Variants in CGGBP1 observed in about 807,000 individuals in gnomAD.
The protein encoded by CGGBP1 is CGG triplet repeat binding protein 1.
In CGGBP1, 4 loss-of-function variants were observed where a neutral mutation model predicts 11.4. That is an observed-to-expected ratio of 0.35 (90% CI 0.17 to 0.80). The LOEUF is 0.80. CGGBP1 is among the 30% of genes least tolerant of loss of function. The pLI is 0.52. For synonymous variants in CGGBP1, 76 were observed against 74.1 expected (o/e 1.03, Z -0.13); for missense variants, 135 against 202.1 (o/e 0.67, Z 2.01).
chr3:88,101,731 C>T (rs550188862), intron 2 of CGGBP1, among the ~76,000 whole-genome samples: 9 of 152,098 alleles, frequency 5.9e-5, no homozygotes, highest in East Asian at 5.8e-4. Context: ...TTATGTTTAG[C>T]GTTTTGTAAA....
intron 2 of CGGBP1, among the ~76,000 whole-genome samples, chr3:88,121,754 G>A (rs571282294): frequency 1.3e-5 from 2 of 152,214 alleles, no homozygotes; most frequent in African/African-American, 4.8e-5. Flanking sequence ...CAAAGATTAC[G>A]TTTTTATAAT....
intron 2 of CGGBP1, among the ~76,000 whole-genome samples, chr3:88,091,993 A>G (rs1345385112): frequency 6.6e-6 from 1 of 152,248 alleles, no homozygotes; most frequent in Admixed American, 6.5e-5. Context: ...TGTTAAGCAG[A>G]AGCAAATCTT....
chr3:88,106,128 A>G (rs1704722186), intron 2 of CGGBP1, among the ~76,000 whole-genome samples: 2 of 152,196 alleles, frequency 1.3e-5, no homozygotes, highest in Non-Finnish European at 1.5e-5. Flanking sequence ...TCTCTTCATT[A>G]TAAATTACTC....
At chr3:88,147,577 C>A (rs568944523) in intron 1 of CGGBP1, among the ~76,000 whole-genome samples, 1 of 152,322 alleles carries the variant, frequency 6.6e-6, no homozygotes, top group African/African-American at 2.4e-5. Flanking sequence ...AGACAGTAGT[C>A]ACTAGCCATG....
At chr3:88,129,641 T>G (rs1446486777) in intron 2 of CGGBP1, 4 of 1,322,188 alleles carry the variant, frequency 3.0e-6, no homozygotes, top group Non-Finnish European at 3.9e-6. Flanking sequence ...ACTAGCTTCT[T>G]AGATATTTTT....
rs1703948701 is a variant in CGGBP1, at chr3:88,094,634, A to C, written c.-228-36411T>G. ...TAGAGCAAAACAGCAGTTGACTACA[A>C]GCTACTATTAGGAAGATCTTTATTC... On this transcript the variant is annotated intron_variant, in intron 2 of 3. Coordinates refer to the CGGBP1 transcript ENST00000462901. Among the ~76,000 whole-genome samples the C allele has an allele frequency of 2.0e-5, 3 of 152,166 alleles. No individual in the cohort carries two copies. In the South Asian group the frequency reaches 6.2e-4, roughly 31 times the overall value.
upstream of CGGBP1, chr3:88,059,128 C>T: frequency 1.9e-6 from 2 of 1,073,366 alleles, no homozygotes; most frequent in Middle Eastern, 3.1e-4. Context: ...ACATGATTGG[C>T]AGCTTGCGTC....
At chr3:88,094,129 G>A (rs1272136298) in intron 2 of CGGBP1, among the ~76,000 whole-genome samples, 2 of 149,198 alleles carry the variant, frequency 1.3e-5, no homozygotes, top group East Asian at 3.9e-4. Flanking sequence ...GGCAGTTGGT[G>A]GTCTTAATTC....
intron 2 of CGGBP1, among the ~76,000 whole-genome samples, chr3:88,074,698 C>T (rs1484521251): frequency 1.3e-5 from 2 of 152,112 alleles, no homozygotes; most frequent in African/African-American, 4.8e-5. Context: ...TATTACTGCA[C>T]CCAACCCAAT....
intron 2 of CGGBP1, among the ~76,000 whole-genome samples, chr3:88,101,044 T>A (rs1400420874): frequency 6.6e-6 from 1 of 152,208 alleles, no homozygotes. Flanking sequence ...TCAACAGTTA[T>A]CAGTATATTG....
At chr3:88,080,575 G>A (rs1288477737) in intron 2 of CGGBP1, among the ~76,000 whole-genome samples, 1 of 152,094 alleles carries the variant, frequency 6.6e-6, no homozygotes, top group Admixed American at 6.5e-5. Context: ...TGACAGAGCT[G>A]GAATTCAAAC....
intron 2 of CGGBP1, among the ~76,000 whole-genome samples, chr3:88,077,548 A>ATCAT (rs1707879839): frequency 1.3e-5 from 2 of 152,140 alleles, no homozygotes; most frequent in African/African-American, 4.8e-5. Context: ...TGTATGGGGA[A>ATCAT]TCATTGTTCT....
chr3:88,138,652 T>TCTA, intron 2 of CGGBP1: 1 of 1,101,420 alleles, frequency 9.1e-7, no homozygotes, highest in Non-Finnish European at 1.2e-6. Flanking sequence ...TAGACTAGTA[T>TCTA]AACCATTTTT....
chr3:88,081,442 T>A (rs6765557), intron 2 of CGGBP1, among the ~76,000 whole-genome samples: 63,596 of 152,068 alleles, frequency 0.42, 15,201 homozygotes, highest in South Asian at 0.61. Flanking sequence ...ATGGATGTTG[T>A]CTGCAACATT....
intron 2 of CGGBP1, among the ~76,000 whole-genome samples, chr3:88,095,157 A>G (rs1274327320): frequency 6.6e-6 from 1 of 152,148 alleles, no homozygotes; most frequent in Non-Finnish European, 1.5e-5. Flanking sequence ...TTATAAGAAA[A>G]AATTTGCTCC....
At chr3:88,069,503 A>G (rs1360143076) in intron 2 of CGGBP1, among the ~76,000 whole-genome samples, 1 of 152,218 alleles carries the variant, frequency 6.6e-6, no homozygotes, top group African/African-American at 2.4e-5. Context: ...GATAGTAACA[A>G]TGGCTCAGTT....
intron 2 of CGGBP1, among the ~76,000 whole-genome samples, chr3:88,114,107 G>A (rs1705252031): frequency 6.6e-6 from 1 of 152,104 alleles, no homozygotes; most frequent in African/African-American, 2.4e-5. Flanking sequence ...ACAGTAGTAA[G>A]CAAAACAGAA....
At chr3:88,068,142 T>C (rs571703215) in intron 2 of CGGBP1, among the ~76,000 whole-genome samples, 4 of 152,042 alleles carry the variant, frequency 2.6e-5, no homozygotes, top group African/African-American at 7.2e-5. Context: ...GTATGTTGAA[T>C]TGACCCACAG....
upstream of CGGBP1, among the ~76,000 whole-genome samples, chr3:88,060,084 T>A (rs758216464): frequency 6.6e-6 from 1 of 152,116 alleles, no homozygotes; most frequent in Non-Finnish European, 1.5e-5. Flanking sequence ...GTTACTTTTT[T>A]CGGACAGAGA....
Sources: gnomAD v4.1 joint callset for allele counts (sites outside exome capture counted in the v4.1 genomes callset) on GRCh38, gnomAD v4.1.1 for gene constraint, MANE v1.5 for transcripts, NCBI Gene and HGNC (gene_info 2026-07-23, HGNC 2026-07-21) for gene names.